SLC25A44: variants seen among roughly 807,000 people sequenced by gnomAD.
SLC25A44 encodes the protein solute carrier family 25 member 44.
SLC25A44 carries 17 observed loss-of-function variants against 29.9 expected under a neutral mutation model. The ratio of observed to expected loss-of-function variants is 0.57; its 90% CI spans 0.39 to 0.85. The LOEUF (loss-of-function observed/expected upper bound fraction) is 0.85. Among genes scored for constraint, SLC25A44 ranks in the 40% least tolerant of loss-of-function variants. SLC25A44 has a pLI of 0.00. For synonymous variants in SLC25A44, 140 were observed against 151.8 expected (o/e 0.92, Z 0.57); for missense variants, 302 against 398.4 (o/e 0.76, Z 2.06).
chr1:156,200,831 A>ATTTTT (rs35620511), intron 2 of SLC25A44, among the ~76,000 whole-genome samples: 7 of 99,866 alleles, frequency 7.0e-5, no homozygotes, highest in Admixed American at 1.2e-4. Flanking sequence ...TTTCCTCAGC[A>ATTTTT]TTTTTTTTTT....
At chr1:156,201,291 C>A (rs1656561768) in intron 2 of SLC25A44, among the ~76,000 whole-genome samples, 1 of 152,138 alleles carries the variant, frequency 6.6e-6, no homozygotes, top group Non-Finnish European at 1.5e-5. Flanking sequence ...AAACATACTG[C>A]CAGATTGCCT....
Position 156,199,742 on chromosome 1 carries a change from G to T in SLC25A44, c.-13-93G>T, listed in dbSNP as rs1003736945. ...GGCAGGTGAGTGTCCAGGAGATGAGGGCTGAGAATGGGCCTTCAGAGCCCA... is the reference window on the plus strand; with the variant it reads ...GGCAGGTGAGTGTCCAGGAGATGAGTGCTGAGAATGGGCCTTCAGAGCCCA... On this transcript the variant is annotated intron_variant, in intron 1 of 3. Coordinates refer to ENST00000359511, the MANE Select transcript of SLC25A44 (RefSeq NM_014655.4). 21 of 1,085,014 alleles carry T rather than the reference G, an allele frequency of 1.9e-5. No homozygotes were observed. In the South Asian group the frequency reaches 2.3e-4, roughly 12 times the overall value. The allele number at this position is 1,085,014 out of a possible 1,614,324, so 67.2% of individuals were successfully genotyped here. A position where few individuals can be genotyped will look rare whatever the true frequency, so the allele number is the denominator to read the frequency against.
intron 2 of SLC25A44, among the ~76,000 whole-genome samples, chr1:156,205,046 A>ATTTTTT (rs1389323296): frequency 6.8e-6 from 1 of 148,102 alleles, no homozygotes. Context: ...TGAGGAAAAA[A>ATTTTTT]TTTTTTTTTT....
chr1:156,205,041 A>C (rs912174117), intron 2 of SLC25A44, among the ~76,000 whole-genome samples: 3 of 150,490 alleles, frequency 2.0e-5, no homozygotes, highest in Non-Finnish European at 4.4e-5. Context: ...GAGCATGAGG[A>C]AAAAATTTTT....
chr1:156,194,872 G>A (rs1300503609), intron 1 of SLC25A44, among the ~76,000 whole-genome samples: 3 of 152,120 alleles, frequency 2.0e-5, no homozygotes, highest in African/African-American at 7.2e-5. Flanking sequence ...GATTTGAAAA[G>A]ATCTGATTAT....
chr1:156,203,099 G>A (rs960261549), intron 2 of SLC25A44, among the ~76,000 whole-genome samples: 6 of 152,146 alleles, frequency 3.9e-5, no homozygotes, highest in African/African-American at 1.4e-4. Context: ...ACTCCTGTCT[G>A]CTTTTCCAGC....
Position 156,210,510 on chromosome 1 carries a change from C to A in SLC25A44, c.*79C>A. 1 of 1,073,266 alleles carries A rather than the reference C, an allele frequency of 9.3e-7. No homozygotes were observed. Among genetic ancestry groups the A allele is most frequent in the Non-Finnish European group, 1.3e-6 (1 of 767,748 alleles). 66.5% of individuals were successfully genotyped at this position (1,073,266 alleles called of 1,614,324 possible). ...AGAGTGGAGAGGACAGCACCCTCTCCAGGTGCTCCCACCACACACCCAGCC... is the reference window on the plus strand; with the variant it reads ...AGAGTGGAGAGGACAGCACCCTCTCAAGGTGCTCCCACCACACACCCAGCC... On this transcript the variant is annotated 3_prime_UTR_variant, in exon 4 of 4. Transcript: ENST00000359511.
In SLC25A44 at chr1:156,199,993, A is replaced by C; in HGVS notation, c.146A>C (p.Lys49Thr). 6.2e-7 allele frequency: 1 copy of C among 1,614,160 alleles called. No individual in the cohort carries two copies. ...TLIRTRLQVQ[K>T]GKSLYHGTFD... ...ATCCGCACCCGGTTGCAAGTTCAGA[A>C]GGGGAAGAGCCTCTACCATGGGACC... The change falls in exon 2 of 4, where the codon AAG becomes ACG. Residue 49 changes from lysine (K) to threonine (T), a missense_variant. Physicochemically the swap from Lys to Thr is moderately conservative, Grantham distance 78 (BLOSUM62 -1). Coordinates refer to ENST00000359511, the MANE Select transcript of SLC25A44 (RefSeq NM_014655.4).
chr1:156,207,944 G>C lies in SLC25A44; in HGVS notation c.684G>C (p.Ser228=). ...ECPHIVFQAV[S]GPLAAATASI... is the part of the protein sequence containing the mutation. The stretch of plus-strand genomic sequence containing the variant: ...CTCACATTGTCTTTCAAGCTGTCTC[G>C]GGGCCCCTGGCTGCAGCCACTGCCT... Residue 228 remains serine, a synonymous_variant, in exon 3 of 4, where the codon TCG becomes TCC. Transcript: ENST00000359511. 6.2e-7 allele frequency: 1 copy of C among 1,613,980 alleles called. No individual in the cohort carries two copies. Among genetic ancestry groups the C allele is most frequent in the Non-Finnish European group, 8.5e-7 (1 of 1,179,934 alleles).
At chr1:156,197,756 G>GAAA in intron 1 of SLC25A44, 1 of 146,216 alleles carries the variant, frequency 6.8e-6, no homozygotes, top group Non-Finnish European at 1.5e-5. Flanking sequence ...GACTCCGTCT[G>GAAA]AAAAAAAAAA....
intron 2 of SLC25A44, 58 bp from the exon 3 acceptor site, chr1:156,207,828 G>A (rs758133026): frequency 1.9e-6 from 3 of 1,598,630 alleles, no homozygotes; most frequent in South Asian, 2.2e-5. Context: ...AGCAAGCACA[G>A]TGAGGGCAGA....
chr1:156,200,376 G>C lies in SLC25A44; in HGVS notation c.529G>C (p.Asp177His). 1 of 1,614,096 alleles carries C rather than the reference G, an allele frequency of 6.2e-7. No homozygotes were observed. Among genetic ancestry groups the C allele is most frequent in the Non-Finnish European group, 8.5e-7 (1 of 1,180,036 alleles). ...KDIIRQILQADGLRGFYRGYV... is the reference protein window; with the variant it reads ...KDIIRQILQAHGLRGFYRGYV... ...CATCATCAGGCAGATCCTGCAGGCT[G>C]ATGGACTTCGCGGCTTCTATCGAGG... The change falls in exon 2 of 4, where the codon GAT (aspartate) becomes CAT (histidine). Residue 177 changes from aspartate (D) to histidine (H), a missense_variant. By Grantham distance (81) the Asp-to-His change is moderately conservative. Transcript: ENST00000359511.
At chr1:156,197,328 C>CCTT (rs1656275029) in intron 1 of SLC25A44, 1 of 152,198 alleles carries the variant, frequency 6.6e-6, no homozygotes, top group Non-Finnish European at 1.5e-5. Flanking sequence ...GTTCTCTTGA[C>CCTT]GGCAGAACTT....
chr1:156,202,639 C>T (rs889187136), intron 2 of SLC25A44, among the ~76,000 whole-genome samples: 2 of 152,178 alleles, frequency 1.3e-5, no homozygotes, highest in Admixed American at 1.3e-4. Flanking sequence ...ACCCTTAAAC[C>T]CAGAAGTGAT....
At position 156,200,243 on chromosome 1, in the gene SLC25A44, A is replaced by C. The variant is rs764297748; in HGVS notation, c.396A>C (p.Val132=). The change falls in exon 2 of 4, where the codon GTA becomes GTC. Residue 132 remains valine (V), a synonymous_variant. Transcript: ENST00000359511. The stretch of plus-strand genomic sequence containing the variant: ...AGAGCATCACAGTGCCCATTGATGT[A>C]GTCTCCCAGCACCTGATGATGCAAC... ...VAQSITVPID[V]VSQHLMMQRK... is the part of the protein sequence containing the mutation. 14 of 1,614,210 alleles carry C rather than the reference A, an allele frequency of 8.7e-6. No homozygotes were observed. The South Asian group carries it at 1.5e-4, about 18-fold the overall frequency.
At chr1:156,208,739 A>G (rs573095167) in intron 3 of SLC25A44, among the ~76,000 whole-genome samples, 33 of 152,332 alleles carry the variant, frequency 2.2e-4, no homozygotes, top group Non-Finnish European at 4.3e-4. Context: ...CCAGTAGGCC[A>G]TAAGTTCTCT....
intron 2 of SLC25A44, among the ~76,000 whole-genome samples, chr1:156,205,080 G>T (rs556378265): frequency 7.3e-5 from 11 of 150,732 alleles, no homozygotes; most frequent in African/African-American, 2.2e-4. Context: ...TTTCGCTCTT[G>T]TTGCCCAGGC....
chr1:156,199,566 G>A (rs1572451217), intron 1 of SLC25A44: 1 of 464,390 alleles, frequency 2.2e-6, no homozygotes, highest in Non-Finnish European at 3.8e-6. Flanking sequence ...ATGGAGCCAG[G>A]GGAATCATTG....
Position 156,198,830 on chromosome 1 carries a change from A to G in SLC25A44, c.-13-1005A>G, listed in dbSNP as rs1383472424. On this transcript the variant is annotated intron_variant, in intron 1 of 3. Coordinates refer to ENST00000359511, the MANE Select transcript of SLC25A44 (RefSeq NM_014655.4). This position sits in a 1 kb window ranked among gnomAD's most constrained non-coding sequence, Gnocchi z 4.1. ...AGACGGTTTCTTGAAGTCAGAGTCT[A>G]TCTCCTCTGTCACTTCTCCCCCTTC... 1 of 152,280 alleles carries G rather than the reference A, an allele frequency of 6.6e-6. No homozygotes were observed. The highest frequency in any genetic ancestry group is 6.5e-5 in the Admixed American group (1 of 15,282). 9.4% of individuals were successfully genotyped at this position (152,280 alleles called of 1,614,324 possible).
Sources: gnomAD v4.1 joint callset for allele counts (sites outside exome capture counted in the v4.1 genomes callset) on GRCh38, gnomAD v4.1.1 for gene constraint, Gnocchi (gnomAD v3.1) non-coding constraint, MANE v1.5 for transcripts, NCBI Gene and HGNC (gene_info 2026-07-23, HGNC 2026-07-21) for gene names.